ICMT: variants seen among roughly 807,000 people sequenced by gnomAD.
ICMT encodes the protein protein-S-isoprenylcysteine O-methyltransferase.
Under a neutral mutation model 32.2 loss-of-function variants are expected in ICMT, and 10 were observed. That is an observed-to-expected ratio of 0.31 (90% CI 0.19 to 0.53). The LOEUF (loss-of-function observed/expected upper bound fraction) is 0.53. ICMT is among the 20% of genes least tolerant of loss of function. The pLI, the probability that ICMT is intolerant of heterozygous loss-of-function variation, is 0.96. For missense variants in ICMT, 265 were observed against 356.9 expected (o/e 0.74, Z 2.07); for synonymous variants, 183 against 158.2 (o/e 1.16, Z -1.18).
chr1:6,226,907 C>G (rs1018755539), intron 4 of ICMT, among the ~76,000 whole-genome samples: 5 of 152,170 alleles, frequency 3.3e-5, no homozygotes, highest in African/African-American at 1.2e-4. Context: ...GAGAAGGAGG[C>G]CAAGCAGTGA....
intron 3 of ICMT, 26 bp from the exon 4 acceptor site, chr1:6,232,145 C>T: frequency 1.9e-6 from 3 of 1,576,696 alleles, no homozygotes; most frequent in Non-Finnish European, 2.6e-6. Flanking sequence ...ATCAACGACA[C>T]ACGGGGAGTG....
chr1:6,232,154 T>C (rs780029273), intron 3 of ICMT, 35 bp from the exon 4 acceptor site: 1 of 1,521,760 alleles, frequency 6.6e-7, no homozygotes, highest in East Asian at 2.3e-5. Context: ...ACACGGGGAG[T>C]GAAAACACTG....
Position 6,225,239 on chromosome 1 carries a change from G to A in ICMT, c.696C>T (p.Cys232=), listed in dbSNP as rs778429985. The A allele has an allele frequency of 8.7e-6, 14 of 1,613,342 alleles. No homozygotes were observed. Among genetic ancestry groups the A allele is most frequent in the African/African-American group, 5.3e-5 (4 of 74,906 alleles). ...ACACTGTCAGGGCATAGCTGACGCC[G>A]CAGATGGGGTTACACAGCATCACCT... ...GTQVMLCNPI[C]GVSYALTVWR... Residue 232 remains cysteine, a synonymous_variant, in exon 5 of 5, where the codon TGC becomes TGT. Coordinates refer to ENST00000343813, the MANE Select transcript of ICMT (RefSeq NM_012405.4).
intron 4 of ICMT, among the ~76,000 whole-genome samples, chr1:6,229,058 A>G (rs1366792085): frequency 7.6e-6 from 1 of 132,418 alleles, no homozygotes; most frequent in Non-Finnish European, 1.6e-5. Context: ...AGAAAAAGAA[A>G]TACATGTGGT....
At chr1:6,229,259 A>G (rs1197853104) in intron 4 of ICMT, among the ~76,000 whole-genome samples, 3 of 152,130 alleles carry the variant, frequency 2.0e-5, no homozygotes, top group Admixed American at 2.0e-4. Context: ...CAGGCAGATC[A>G]CCTGAGGTTG....
At chr1:6,233,714 C>G (rs1668772339) in intron 2 of ICMT, 71 bp from the exon 3 acceptor site, 1 of 1,311,520 alleles carries the variant, frequency 7.6e-7, no homozygotes, top group African/African-American at 1.5e-5. Context: ...ACATCTGGGT[C>G]TCCTGAGCTG....
chr1:6,225,248 G>A lies in ICMT; in HGVS notation c.687C>T (p.Asn229=). ...GGGCATAGCTGACGCCGCAGATGGG[G>A]TTACACAGCATCACCTAACAGAGGG... ...WSIGTQVMLC[N]PICGVSYALT... Residue 229 remains asparagine, a synonymous_variant, in exon 5 of 5, where the codon AAC becomes AAT. Coordinates refer to ENST00000343813, the MANE Select transcript of ICMT (RefSeq NM_012405.4). The A allele has an allele frequency of 6.2e-7, 1 of 1,613,276 alleles. No individual in the cohort carries two copies. Among genetic ancestry groups the A allele is most frequent in the Non-Finnish European group, 8.5e-7 (1 of 1,179,810 alleles).
At chr1:6,226,947 G>A (rs1668653456) in intron 4 of ICMT, among the ~76,000 whole-genome samples, 1 of 152,220 alleles carries the variant, frequency 6.6e-6, no homozygotes, top group Admixed American at 6.5e-5. Context: ...CCCAGTCAGT[G>A]ACTCCGGGGC....
chr1:6,232,616 T>G (rs562633942), intron 3 of ICMT, among the ~76,000 whole-genome samples: 91 of 151,998 alleles, frequency 6.0e-4, no homozygotes, highest in African/African-American at 2.2e-3. Context: ...TGGCACAATC[T>G]CAGCTCACTG....
Position 6,234,901 on chromosome 1 carries a change from CAAG to C in ICMT, c.266_268del (p.Ser89del). 1 of 1,613,684 alleles carries C rather than the reference CAAG, an allele frequency of 6.2e-7. No individual in the cohort carries two copies. Among genetic ancestry groups the C allele is most frequent in the South Asian group, 1.1e-5 (1 of 91,060 alleles). On this transcript the variant is annotated inframe_deletion, in exon 2 of 5. Coordinates refer to ENST00000343813, the MANE Select transcript of ICMT (RefSeq NM_012405.4). ...GAATTCTTACCAGCCAAAGTGACTCCAAGAAGACTGGCTAAAACTTAGCAGCGT... is the reference window on the plus strand; with the variant it reads ...GAATTCTTACCAGCCAAAGTGACTCCAAGACTGGCTAAAACTTAGCAGCGT...
chr1:6,230,181 CT>C (rs1183048997), intron 4 of ICMT, among the ~76,000 whole-genome samples: 2 of 152,092 alleles, frequency 1.3e-5, no homozygotes, highest in African/African-American at 2.4e-5. Flanking sequence ...GTGGCACAAT[CT>C]CAGCTCACTG....
chr1:6,225,311 C>T (rs1668629082), intron 4 of ICMT, 49 bp from the exon 5 acceptor site: 1 of 1,566,656 alleles, frequency 6.4e-7, no homozygotes. Context: ...GGGATGACGC[C>T]CTGTGCTTTG....
chr1:6,225,926 C>T, intron 4 of ICMT, among the ~76,000 whole-genome samples: 1 of 151,854 alleles, frequency 6.6e-6, no homozygotes, highest in East Asian at 2.0e-4. Flanking sequence ...GTGATCATGG[C>T]TCACTGCAGC....
intron 2 of ICMT, among the ~76,000 whole-genome samples, chr1:6,233,862 T>C (rs901783697): frequency 1.3e-5 from 2 of 152,186 alleles, no homozygotes; most frequent in Non-Finnish European, 2.9e-5. Context: ...TGTTTTGTTT[T>C]GTTTGAGACA....
At chr1:6,232,828 G>C (rs1214262269) in intron 3 of ICMT, among the ~76,000 whole-genome samples, 1 of 150,904 alleles carries the variant, frequency 6.6e-6, no homozygotes, top group Non-Finnish European at 1.5e-5. Flanking sequence ...GATTAAAGGC[G>C]TGAGCCACTG....
At chr1:6,231,523 A>C (rs1480092997) in intron 4 of ICMT, among the ~76,000 whole-genome samples, 1 of 151,478 alleles carries the variant, frequency 6.6e-6, no homozygotes, top group African/African-American at 2.4e-5. Flanking sequence ...CCCAGGCAAC[A>C]CAGTAAGACC....
At chr1:6,226,367 C>T (rs545313932) in intron 4 of ICMT, among the ~76,000 whole-genome samples, 1 of 152,096 alleles carries the variant, frequency 6.6e-6, no homozygotes, top group East Asian at 1.9e-4. Context: ...GCATACCAGC[C>T]TGGGCGACAG....
chr1:6,235,393 C>G (rs1156984803), intron 1 of ICMT, among the ~76,000 whole-genome samples: 1 of 152,174 alleles, frequency 6.6e-6, no homozygotes, highest in Non-Finnish European at 1.5e-5. Context: ...CCAGCCCCAC[C>G]CACGTCACTG....
In ICMT at chr1:6,233,553, G is replaced by C; in HGVS notation, c.375C>G (p.Leu125=). 5.0e-6 allele frequency: 8 copies of C among 1,614,108 alleles called. No homozygotes were observed. Among genetic ancestry groups the C allele is most frequent in the Non-Finnish European group, 6.8e-6 (8 of 1,179,960 alleles). The change falls in exon 3 of 5, where the codon CTC becomes CTG. Residue 125 remains leucine, a synonymous_variant. Coordinates refer to ENST00000343813, the MANE Select transcript of ICMT (RefSeq NM_012405.4). ...CTGTATACTCCAGGCTGTGATTCAGGAGAAAGGAATCCAAGGACAGACTTT... is the reference window on the plus strand; with the variant it reads ...CTGTATACTCCAGGCTGTGATTCAGCAGAAAGGAATCCAAGGACAGACTTT... ...NPKSLSLDSF[L]LNHSLEYTVA... is the part of the protein sequence containing the mutation.
Sources: allele counts gnomAD v4.1 joint callset (sites outside exome capture counted in the v4.1 genomes callset), GRCh38; gene constraint gnomAD v4.1.1; transcripts MANE v1.5; gene names NCBI Gene and HGNC (gene_info 2026-07-23, HGNC 2026-07-21).